CDH13: variants seen among roughly 807,000 people sequenced by gnomAD.
CDH13 encodes the protein cadherin 13.
A neutral mutation model predicts 63.8 loss-of-function variants in CDH13; 24 were observed. That is an observed-to-expected ratio of 0.38 (90% CI 0.27 to 0.53). The LOEUF is 0.53. Ranked by LOEUF, CDH13 falls within the 20% of genes least tolerant of loss-of-function variation. The probability of loss-of-function intolerance (pLI) is 0.85; values close to 1 mark genes in which losing one functional copy is unlikely to be tolerated. For missense variants in CDH13, 1,049 were observed against 903.1 expected, an observed-to-expected ratio of 1.16 and a Z score of -2.07; for synonymous variants, 503 against 355.3, an observed-to-expected ratio of 1.42 and a Z score of -4.67.
At chr16:83,599,674 T>C (rs1459591418) in intron 7 of CDH13, among the ~76,000 whole-genome samples, 1 of 152,222 alleles carries the variant, frequency 6.6e-6, no homozygotes, top group African/African-American at 2.4e-5. Flanking sequence ...GATTATATTG[T>C]AGGCAACCCT....
chr16:83,489,645 A>G (rs2073965309), intron 7 of CDH13, among the ~76,000 whole-genome samples: 1 of 152,196 alleles, frequency 6.6e-6, no homozygotes, highest in Admixed American at 6.5e-5. Context: ...TTTTCCTCCC[A>G]TTGAGACTTG....
At position 82,948,019 on chromosome 16, in the gene CDH13, G is replaced by A. The variant is rs1021148318; in HGVS notation, c.158-83991G>A. Among the ~76,000 whole-genome samples the A allele has an allele frequency of 7.2e-5, 11 of 152,268 alleles. No homozygotes were observed. In the South Asian group the frequency reaches 1.5e-3, roughly 20 times the overall value. ...CATGTGGACTTCACATGTATTTATGGAGATGTAACATGGTAATTTAATATT... is the reference window on the plus strand; with the variant it reads ...CATGTGGACTTCACATGTATTTATGAAGATGTAACATGGTAATTTAATATT... On this transcript the variant is annotated intron_variant, in intron 2 of 13. Transcript: ENST00000567109.
At chr16:83,447,564 A>G (rs1376663023) in intron 6 of CDH13, among the ~76,000 whole-genome samples, 3 of 152,126 alleles carry the variant, frequency 2.0e-5, no homozygotes, top group Non-Finnish European at 2.9e-5. Flanking sequence ...TGGGCGGGGC[A>G]GATGATACCA....
At chr16:83,032,253 G>A (rs775689913) in intron 3 of CDH13, 35 bp downstream of exon 3, 5 of 1,540,824 alleles carry the variant, frequency 3.2e-6, no homozygotes, top group Non-Finnish European at 4.5e-6. Flanking sequence ...TGGGTTCAAG[G>A]AGGACATTAG....
At chr16:83,583,512 C>G (rs2150725588) in intron 7 of CDH13, among the ~76,000 whole-genome samples, 1 of 152,304 alleles carries the variant, frequency 6.6e-6, no homozygotes, top group South Asian at 2.1e-4. Context: ...GTTCTGTGCA[C>G]CAGGTCACAT....
At chr16:83,017,265 G>T (rs1303336804) in intron 2 of CDH13, among the ~76,000 whole-genome samples, 1 of 152,104 alleles carries the variant, frequency 6.6e-6, no homozygotes, top group African/African-American at 2.4e-5. Context: ...CTGCTGTCTG[G>T]ATTTTTGCTG....
chr16:82,903,080 A>T (rs934894136), intron 2 of CDH13, among the ~76,000 whole-genome samples: 1 of 152,250 alleles, frequency 6.6e-6, no homozygotes, highest in African/African-American at 2.4e-5. Context: ...ATGGAAAAAG[A>T]CAAGATGACC....
intron 2 of CDH13, among the ~76,000 whole-genome samples, chr16:82,969,350 G>T (rs906317415): frequency 6.6e-6 from 1 of 151,964 alleles, no homozygotes; most frequent in South Asian, 2.1e-4. Flanking sequence ...ATAAATAGAC[G>T]TGGGGCTGAA....
At chr16:83,650,238 C>T (rs1446438258) in intron 8 of CDH13, among the ~76,000 whole-genome samples, 1 of 152,156 alleles carries the variant, frequency 6.6e-6, no homozygotes, top group Non-Finnish European at 1.5e-5. Context: ...TACCTTTCTT[C>T]TTTTATAAAA....
chr16:83,120,763 C>G (rs77595933), intron 3 of CDH13, among the ~76,000 whole-genome samples: 2 of 60,226 alleles, frequency 3.3e-5, no homozygotes, highest in Non-Finnish European at 7.2e-5. Context: ...AATTTTCTTT[C>G]TTTTTTTTTT....
intron 9 of CDH13, among the ~76,000 whole-genome samples, chr16:83,671,730 T>A (rs1305845768): frequency 2.6e-5 from 4 of 152,244 alleles, no homozygotes; most frequent in African/African-American, 9.6e-5. Flanking sequence ...AACATAGTTA[T>A]TGGTGTGAAA....
intron 4 of CDH13, among the ~76,000 whole-genome samples, chr16:83,180,087 G>C (rs965874070): frequency 1.3e-5 from 2 of 152,038 alleles, no homozygotes; most frequent in Admixed American, 6.6e-5. Context: ...TTGGAGCATA[G>C]TGATTGTTGT....
intron 6 of CDH13, among the ~76,000 whole-genome samples, chr16:83,435,217 T>C (rs1434342293): frequency 6.6e-6 from 1 of 151,956 alleles, no homozygotes; most frequent in Non-Finnish European, 1.5e-5. Context: ...CGGCTAATTG[T>C]ATTTTTAGCA....
intron 7 of CDH13, among the ~76,000 whole-genome samples, chr16:83,503,335 A>C (rs891388664): frequency 3.9e-5 from 6 of 152,212 alleles, no homozygotes; most frequent in Non-Finnish European, 8.8e-5. Context: ...TTTGTACCCA[A>C]ATAAATTTGC....
intron 11 of CDH13, among the ~76,000 whole-genome samples, chr16:83,769,695 C>T (rs1011990120): frequency 2.0e-5 from 3 of 152,130 alleles, no homozygotes; most frequent in Admixed American, 1.3e-4. Flanking sequence ...ACCATGTCCT[C>T]CTGAGGCCAC....
intron 7 of CDH13, among the ~76,000 whole-genome samples, chr16:83,591,403 G>T: frequency 6.6e-6 from 1 of 152,228 alleles, no homozygotes; most frequent in East Asian, 1.9e-4. Context: ...GAATCTAACA[G>T]ATTAGCCTGT....
chr16:83,301,940 T>G (rs1419935243), intron 5 of CDH13, among the ~76,000 whole-genome samples: 1 of 150,026 alleles, frequency 6.7e-6, no homozygotes, highest in African/African-American at 2.5e-5. Flanking sequence ...CTTTGAAAGA[T>G]CAATGAGACT....
intron 2 of CDH13, among the ~76,000 whole-genome samples, chr16:82,912,899 C>T (rs1333299896): frequency 6.0e-5 from 9 of 150,720 alleles, no homozygotes; most frequent in East Asian, 2.0e-4. Flanking sequence ...GCCGAGATCA[C>T]GCCACTGCAC....
intron 6 of CDH13, among the ~76,000 whole-genome samples, chr16:83,417,856 C>A (rs1038457866): frequency 1.3e-5 from 2 of 152,140 alleles, no homozygotes; most frequent in Non-Finnish European, 2.9e-5. Flanking sequence ...AATGAAAATT[C>A]TATTTCACAG....
Sources: gnomAD v4.1 joint callset for allele counts (sites outside exome capture counted in the v4.1 genomes callset) on GRCh38, gnomAD v4.1.1 for gene constraint, MANE v1.5 for transcripts, NCBI Gene and HGNC (gene_info 2026-07-23, HGNC 2026-07-21) for gene names.